The following TMEM132D variants were observed in gnomAD, a reference collection of about 807,000 sequenced individuals.
TMEM132D encodes the protein transmembrane protein 132D, also known as mature OL transmembrane protein.
In TMEM132D, 21 loss-of-function variants were observed where a neutral mutation model predicts 62.3. The observed-to-expected ratio is 0.34, with a 90% CI of 0.24 to 0.49. The LOEUF is 0.49. Ranked by LOEUF, TMEM132D falls within the 20% of genes least tolerant of loss-of-function variation. TMEM132D has a pLI of 0.99. For synonymous variants in TMEM132D, 621 were observed against 575.6 expected (o/e 1.08, Z -1.13); for missense variants, 1,346 against 1,402.8 (o/e 0.96, Z 0.65).
intron 4 of TMEM132D, among the ~76,000 whole-genome samples, chr12:129,287,388 C>T (rs977923064): frequency 2.0e-5 from 3 of 152,152 alleles, no homozygotes; most frequent in African/African-American, 7.2e-5. Context: ...GCAAACAGCA[C>T]AGCAATAATT....
chr12:129,366,631 GCTCT>G (rs1870422810), intron 3 of TMEM132D, among the ~76,000 whole-genome samples: 1 of 152,204 alleles, frequency 6.6e-6, no homozygotes, highest in South Asian at 2.1e-4. Context: ...CGCCGTGTGA[GCTCT>G]AGGACCAGGC....
intron 1 of TMEM132D, among the ~76,000 whole-genome samples, chr12:129,891,680 A>G (rs1268386105): frequency 2.6e-5 from 4 of 152,242 alleles, no homozygotes; most frequent in Non-Finnish European, 4.4e-5. Flanking sequence ...GCACAAAGAT[A>G]ATTATTTCTT....
intron 4 of TMEM132D, among the ~76,000 whole-genome samples, chr12:129,308,360 A>G (rs1432353042): frequency 6.6e-6 from 1 of 152,212 alleles, no homozygotes; most frequent in African/African-American, 2.4e-5. Context: ...AAGTATCTGC[A>G]TGGGTGAATA....
rs772188851 is a variant in TMEM132D, at chr12:129,277,072, G to C, written c.1299+60562C>G. On this transcript the variant is annotated intron_variant, in intron 4 of 8. Coordinates refer to ENST00000422113, the MANE Select transcript of TMEM132D (RefSeq NM_133448.3). The surrounding 1 kb of genome is among the most constrained non-coding windows in gnomAD (Gnocchi z 4.2). ...CCAAAGGCTAAGGCTTCCAAAGCCA[G>C]CATAAATGGACGAGCACAAAGGGGC... is the stretch of plus-strand genomic sequence containing the variant. Among the ~76,000 whole-genome samples the C allele has an allele frequency of 6.6e-6, 1 of 152,208 alleles. No homozygotes were observed. Among genetic ancestry groups the C allele is most frequent in the Non-Finnish European group, 1.5e-5 (1 of 68,042 alleles).
At chr12:129,902,297 T>C (rs1032362489) in intron 1 of TMEM132D, among the ~76,000 whole-genome samples, 5 of 152,268 alleles carry the variant, frequency 3.3e-5, no homozygotes, top group Admixed American at 2.0e-4. Context: ...CAGAAAAATA[T>C]GGGTACAGGG....
At chr12:129,433,399 C>A (rs888666663) in intron 3 of TMEM132D, among the ~76,000 whole-genome samples, 1 of 152,032 alleles carries the variant, frequency 6.6e-6, no homozygotes, top group African/African-American at 2.4e-5. Flanking sequence ...CCAGTAATTC[C>A]GCACTCTCAA....
intron 1 of TMEM132D, among the ~76,000 whole-genome samples, chr12:129,832,920 C>A (rs964239501): frequency 6.6e-6 from 1 of 152,306 alleles, no homozygotes; most frequent in Non-Finnish European, 1.5e-5. Flanking sequence ...TAAGAACTAG[C>A]AAACTCATTT....
At chr12:129,245,272 C>G (rs1371376568) in intron 4 of TMEM132D, among the ~76,000 whole-genome samples, 1 of 152,218 alleles carries the variant, frequency 6.6e-6, no homozygotes, top group African/African-American at 2.4e-5. Context: ...ACCGTTTTAT[C>G]TTTTCCAGAA....
intron 4 of TMEM132D, chr12:129,211,899 T>C (rs1347924726): frequency 6.6e-6 from 1 of 152,168 alleles, no homozygotes; most frequent in African/African-American, 2.4e-5. Flanking sequence ...CAGGAAAAAT[T>C]AGCTTTAATG....
chr12:129,491,941 CAA>C, intron 3 of TMEM132D, among the ~76,000 whole-genome samples: 1 of 149,188 alleles, frequency 6.7e-6, no homozygotes. Flanking sequence ...GATTCTGTCT[CAA>C]AAAAAAAAAA....
chr12:129,457,586 T>TATA (rs1040112241), intron 3 of TMEM132D, among the ~76,000 whole-genome samples: 12 of 151,496 alleles, frequency 7.9e-5, no homozygotes, highest in African/African-American at 1.9e-4. Flanking sequence ...AAACTTAAAG[T>TATA]ATAATAATAA....
intron 4 of TMEM132D, among the ~76,000 whole-genome samples, chr12:129,274,418 A>G (rs1880945499): frequency 6.6e-6 from 1 of 152,182 alleles, no homozygotes; most frequent in South Asian, 2.1e-4. Flanking sequence ...GATTCCAGCC[A>G]TGGTTCTGAG....
chr12:129,871,908 C>T (rs1366080234), intron 1 of TMEM132D, among the ~76,000 whole-genome samples: 2 of 152,178 alleles, frequency 1.3e-5, no homozygotes, highest in African/African-American at 4.8e-5. Context: ...AGGCAGCCTC[C>T]ATAGGCCAGG....
intron 2 of TMEM132D, among the ~76,000 whole-genome samples, chr12:129,597,227 A>C (rs1878362181): frequency 6.6e-6 from 1 of 152,168 alleles, no homozygotes; most frequent in East Asian, 1.9e-4. Flanking sequence ...GACTGTATAC[A>C]ATCAAGATAG....
At chr12:129,855,137 T>G (rs1593187740) in intron 1 of TMEM132D, among the ~76,000 whole-genome samples, 4 of 99,004 alleles carry the variant, frequency 4.0e-5, no homozygotes, top group South Asian at 3.7e-4. Context: ...TGTAACAGAG[T>G]CCGGGGGAAC....
At chr12:129,444,395 A>AC (rs57965749) in intron 3 of TMEM132D, among the ~76,000 whole-genome samples, 61,780 of 151,698 alleles carry the variant, frequency 0.41, 14,686 homozygotes, top group East Asian at 0.78. Flanking sequence ...TTCATAAGGA[A>AC]ATAAACAAAT....
chr12:129,147,842 C>G (rs1876956838), intron 5 of TMEM132D, among the ~76,000 whole-genome samples: 3 of 152,200 alleles, frequency 2.0e-5, no homozygotes. Context: ...CACAGGAACT[C>G]CTGCTACACC....
intron 1 of TMEM132D, among the ~76,000 whole-genome samples, chr12:129,747,977 G>A (rs1206394434): frequency 6.6e-6 from 1 of 152,132 alleles, no homozygotes; most frequent in African/African-American, 2.4e-5. Flanking sequence ...TATTTATTTG[G>A]GCACTGTCTG....
At chr12:129,374,666 A>G (rs1334550189) in intron 3 of TMEM132D, among the ~76,000 whole-genome samples, 3 of 152,214 alleles carry the variant, frequency 2.0e-5, no homozygotes. Context: ...GCCCGTGAGT[A>G]CTTCCCTTGA....
Sources: allele counts gnomAD v4.1 joint callset (sites outside exome capture counted in the v4.1 genomes callset), GRCh38; gene constraint gnomAD v4.1.1; non-coding constraint Gnocchi (gnomAD v3.1); transcripts MANE v1.5; gene names NCBI Gene and HGNC (gene_info 2026-07-23, HGNC 2026-07-21).